Variants in SESTD1 observed in about 807,000 individuals in gnomAD.
SESTD1 encodes SEC14 domain and spectrin repeat-containing protein 1.
SESTD1 carries 43 observed loss-of-function variants against 101.7 expected under a neutral mutation model. The observed-to-expected ratio is 0.42, with a 90% CI of 0.33 to 0.55. SESTD1 has a LOEUF of 0.55. SESTD1 is among the 20% of genes least tolerant of loss of function. The pLI is 0.07. For synonymous variants in SESTD1, 283 were observed against 286.8 expected (o/e 0.99, Z 0.13); for missense variants, 647 against 815.1 (o/e 0.79, Z 2.51).
chr2:179,260,349 CTACAAAAAA>C (rs1217622892), intron 1 of SESTD1, among the ~76,000 whole-genome samples: 1 of 152,072 alleles, frequency 6.6e-6, no homozygotes, highest in Non-Finnish European at 1.5e-5. Flanking sequence ...AACTTCATCT[CTACAAAAAA>C]TGCAAAAATT....
chr2:179,208,807 C>T (rs977348693), intron 1 of SESTD1, among the ~76,000 whole-genome samples: 1 of 134,434 alleles, frequency 7.4e-6, no homozygotes, highest in African/African-American at 2.9e-5. Context: ...AACAATAACA[C>T]AATGAAAACA....
chr2:179,196,712 C>T (rs1005542155), intron 1 of SESTD1, among the ~76,000 whole-genome samples: 5 of 152,228 alleles, frequency 3.3e-5, no homozygotes, highest in Middle Eastern at 6.8e-3. Flanking sequence ...ACACCTCACA[C>T]GGCTGGGTAC....
chr2:179,193,381 A>T (rs1398905650), intron 1 of SESTD1, among the ~76,000 whole-genome samples: 1 of 152,176 alleles, frequency 6.6e-6, no homozygotes, highest in Non-Finnish European at 1.5e-5. Context: ...CGGCAAACAG[A>T]CTAGTAGGAA....
intron 3 of SESTD1, among the ~76,000 whole-genome samples, chr2:179,178,568 AAACAT>A (rs916166621): frequency 1.3e-5 from 2 of 152,174 alleles, no homozygotes; most frequent in African/African-American, 4.8e-5. Flanking sequence ...TCCACCAACA[AAACAT>A]CTAAGAAGAC....
At chr2:179,148,487 T>G (rs1031257748) in intron 7 of SESTD1, among the ~76,000 whole-genome samples, 3 of 152,172 alleles carry the variant, frequency 2.0e-5, no homozygotes, top group African/African-American at 4.8e-5. Context: ...ATAATACCAC[T>G]CAACTATTAC....
intron 1 of SESTD1, among the ~76,000 whole-genome samples, chr2:179,248,083 C>A (rs769981373): frequency 6.6e-6 from 1 of 151,576 alleles, no homozygotes; most frequent in Non-Finnish European, 1.5e-5. Context: ...AAAACAGAGA[C>A]GACACAGATT....
intron 1 of SESTD1, among the ~76,000 whole-genome samples, chr2:179,233,375 C>T (rs901621759): frequency 3.3e-5 from 5 of 152,058 alleles, no homozygotes; most frequent in Admixed American, 6.5e-5. Flanking sequence ...GTTACAAATA[C>T]GGAAAGTGCA....
Position 179,176,306 on chromosome 2 carries a change from A to G in SESTD1, c.255+142T>C, listed in dbSNP as rs564746385. 4.4e-5 allele frequency: 28 copies of G among 641,318 alleles called. No individual in the cohort carries two copies. The African/African-American group carries it at 4.7e-4, about 11-fold the overall frequency. 39.7% of individuals were successfully genotyped at this position (641,318 alleles called of 1,614,324 possible). ...CTAAGGAGTTGAATTTGAACAATCC[A>G]ATAGTGATAAGTGCATTTTCACAAC... On this transcript the variant is annotated intron_variant, in intron 4 of 17. Transcript: ENST00000428443.
chr2:179,156,210 A>T (rs1295806544), intron 5 of SESTD1, among the ~76,000 whole-genome samples: 1 of 152,060 alleles, frequency 6.6e-6, no homozygotes, highest in Non-Finnish European at 1.5e-5. Context: ...TATATACATC[A>T]CAGTTTCTTT....
intron 3 of SESTD1, among the ~76,000 whole-genome samples, chr2:179,180,589 T>C (rs2046091425): frequency 6.6e-6 from 1 of 152,142 alleles, no homozygotes; most frequent in Non-Finnish European, 1.5e-5. Context: ...ACATGGGAGA[T>C]AACGTGATAA....
intron 9 of SESTD1, among the ~76,000 whole-genome samples, chr2:179,139,845 C>T (rs780353218): frequency 5.9e-5 from 9 of 152,138 alleles, no homozygotes; most frequent in Non-Finnish European, 1.2e-4. Flanking sequence ...GCTCAGAACT[C>T]CTCGAAGAGA....
At chr2:179,162,339 T>C (rs1307255185) in intron 5 of SESTD1, 2 of 152,150 alleles carry the variant, frequency 1.3e-5, no homozygotes, top group Admixed American at 1.3e-4. Flanking sequence ...TACAAAATCA[T>C]GTAGGAAAAT....
intron 16 of SESTD1, among the ~76,000 whole-genome samples, chr2:179,113,534 A>C (rs2044558174): frequency 6.6e-6 from 1 of 152,186 alleles, no homozygotes; most frequent in African/African-American, 2.4e-5. Flanking sequence ...GAGAGAATAA[A>C]AAGTATTCAT....
intron 1 of SESTD1, among the ~76,000 whole-genome samples, chr2:179,221,639 C>T (rs2046817183): frequency 1.3e-5 from 2 of 148,206 alleles, no homozygotes; most frequent in Non-Finnish European, 3.0e-5. Context: ...AAAAATGCCC[C>T]AGGCATGGTG....
Position 179,181,974 on chromosome 2 carries a change from C to T in SESTD1, c.164+1106G>A, listed in dbSNP as rs189745862. ...AAATTGAAAATTTTCACATGAAGAC[C>T]GCTGTTTCCACAATATTAAAAAAAA... is the stretch of plus-strand genomic sequence containing the variant. On this transcript the variant is annotated intron_variant, in intron 3 of 17. Coordinates refer to ENST00000428443, the MANE Select transcript of SESTD1 (RefSeq NM_178123.5). Among the ~76,000 whole-genome samples the T allele has an allele frequency of 2.3e-3, 309 of 133,772 alleles. 1 individual carries two copies. In the South Asian group the frequency reaches 0.024, roughly 10 times the overall value. 87.8% of individuals were successfully genotyped at this position (133,772 alleles called of 152,430 possible).
In SESTD1 at chr2:179,105,175, C is replaced by CT. The variant is rs1487020649; in HGVS notation, c.*4723dup. ...AATTGTGGTCTTTTCATGCTTTGTTCTGTTTTTTTTTTTTTTTTAACCTCA... is the reference window on the plus strand; with the variant it reads ...AATTGTGGTCTTTTCATGCTTTGTTCTTGTTTTTTTTTTTTTTTTAACCTCA... On this transcript the variant is annotated 3_prime_UTR_variant, in exon 18 of 18. Coordinates refer to ENST00000428443, the MANE Select transcript of SESTD1 (RefSeq NM_178123.5). 1.7e-5 allele frequency: 2 copies of CT among 120,608 alleles called. No individual in the cohort carries two copies. The highest frequency in any genetic ancestry group is 1.7e-5 in the Non-Finnish European group (1 of 60,030). The allele number at this position is 120,608 out of a possible 1,614,324, so 7.5% of individuals were successfully genotyped here.
intron 1 of SESTD1, among the ~76,000 whole-genome samples, chr2:179,195,182 C>A (rs562415469): frequency 6.6e-6 from 1 of 152,340 alleles, no homozygotes; most frequent in South Asian, 2.1e-4. Flanking sequence ...CAAATCTCAT[C>A]GTCAATCCCC....
At chr2:179,201,508 G>T (rs1390341372) in intron 1 of SESTD1, among the ~76,000 whole-genome samples, 1 of 133,402 alleles carries the variant, frequency 7.5e-6, no homozygotes, top group Non-Finnish European at 1.6e-5. Flanking sequence ...CAATAGCAAA[G>T]GCTTGGAACC....
chr2:179,153,088 G>A (rs1320528877), intron 5 of SESTD1, among the ~76,000 whole-genome samples: 1 of 152,072 alleles, frequency 6.6e-6, no homozygotes, highest in Non-Finnish European at 1.5e-5. Flanking sequence ...TGATAGCAAT[G>A]GTTTAAAAGA....
Sources: gnomAD v4.1 joint callset for allele counts (sites outside exome capture counted in the v4.1 genomes callset) on GRCh38, gnomAD v4.1.1 for gene constraint, MANE v1.5 for transcripts, NCBI Gene and HGNC (gene_info 2026-07-23, HGNC 2026-07-21) for gene names.